Variants in GFRA1 observed in about 807,000 individuals in gnomAD.
The protein encoded by GFRA1 is GDNF family receptor alpha 1.
In GFRA1, 16 loss-of-function variants were observed where a neutral mutation model predicts 51.6. The ratio of observed to expected loss-of-function variants is 0.31; its 90% CI spans 0.21 to 0.47. The LOEUF (loss-of-function observed/expected upper bound fraction) is 0.47. Among genes scored for constraint, GFRA1 ranks in the 20% least tolerant of loss-of-function variants. The pLI is 1.00. For missense variants in GFRA1, 530 were observed against 594.3 expected (o/e 0.89, Z 1.13); for synonymous variants, 270 against 241.3 (o/e 1.12, Z -1.10).
rs190154011 is a variant in GFRA1 at position 116,070,575 on chromosome 10, T to C, written c.1198-4949A>G. ...TTCCAAGTAAGCATCATTCACACTG[T>C]ATTTTAATAGATAGACTCACCTGCT... is the stretch of plus-strand genomic sequence containing the variant. On this transcript the variant is annotated intron_variant, in intron 9 of 10. Transcript: ENST00000355422. Among the ~76,000 whole-genome samples the C allele has an allele frequency of 3.6e-3, 543 of 152,320 alleles. 2 individuals carry two copies. Among genetic ancestry groups the C allele is most frequent in the Admixed American group, 5.6e-3 (85 of 15,294 alleles).
At chr10:116,174,826 A>T (rs1961420435) in intron 5 of GFRA1, among the ~76,000 whole-genome samples, 1 of 152,224 alleles carries the variant, frequency 6.6e-6, no homozygotes, top group African/African-American at 2.4e-5. Flanking sequence ...GCTTTAAAAC[A>T]TGATTTTTCT....
rs1967916599 is a variant in GFRA1 at position 116,246,977 on chromosome 10, T to C, written c.418+22526A>G. On this transcript the variant is annotated intron_variant, in intron 4 of 10. Transcript: ENST00000355422. ...CCCATCAAGAGTGGAATATTGTTCG[T>C]GGAAGTGTACATGGTAAAAGATAAA... 1.3e-5 allele frequency among the ~76,000 whole-genome samples: 2 copies of C among 152,218 alleles called. 1 individual carries two copies. Among genetic ancestry groups the C allele is most frequent in the African/African-American group, 4.8e-5 (2 of 41,458 alleles).
At chr10:116,138,431 T>C (rs2134081626) in intron 5 of GFRA1, among the ~76,000 whole-genome samples, 1 of 152,300 alleles carries the variant, frequency 6.6e-6, no homozygotes, top group East Asian at 1.9e-4. Flanking sequence ...GGCTTTCTAT[T>C]TGATTTTCAG....
At chr10:116,206,959 C>A (rs1964826184) in intron 5 of GFRA1, among the ~76,000 whole-genome samples, 1 of 152,128 alleles carries the variant, frequency 6.6e-6, no homozygotes, top group Non-Finnish European at 1.5e-5. Context: ...AACCTTAATT[C>A]ACCACCATGA....
At chr10:116,128,353 G>A (rs1024575085) in intron 5 of GFRA1, among the ~76,000 whole-genome samples, 4 of 152,160 alleles carry the variant, frequency 2.6e-5, no homozygotes, top group South Asian at 4.2e-4. Context: ...TAAAAATAAC[G>A]AAAGTCAACA....
intron 4 of GFRA1, among the ~76,000 whole-genome samples, chr10:116,267,499 T>C (rs138212128): frequency 1.3e-5 from 2 of 152,034 alleles, no homozygotes; most frequent in African/African-American, 4.8e-5. Context: ...AAAAAAACCA[T>C]TGCTCATAGA....
intron 2 of GFRA1, 61 bp from the exon 3 acceptor site, chr10:116,271,176 C>G (rs1843902407): frequency 6.8e-7 from 1 of 1,471,606 alleles, no homozygotes; most frequent in Non-Finnish European, 9.2e-7. Context: ...CGCCCCTGCT[C>G]CGGGCGAGGG....
Position 116,237,628 on chromosome 10 carries a change from T to C in GFRA1, c.419-25983A>G, listed in dbSNP as rs146432085. On this transcript the variant is annotated intron_variant, in intron 4 of 10. Transcript: ENST00000355422. ...CGACTCTGCTCTCTTTCTTCGATAC[T>C]TCCTGTTCTTCTTCTCTAGATAGCT... Among the ~76,000 whole-genome samples the C allele has an allele frequency of 1.1e-4, 17 of 150,666 alleles. No homozygotes were observed. The East Asian group carries it at 3.3e-3, about 29-fold the overall frequency.
At position 116,175,669 on chromosome 10, in the gene GFRA1, A is replaced by T. The variant is rs569299036; in HGVS notation, c.433+35962T>A. Among the ~76,000 whole-genome samples, 229 of 152,264 alleles carry T rather than the reference A, an allele frequency of 1.5e-3. 1 individual carries two copies. Among genetic ancestry groups the T allele is most frequent in the Middle Eastern group, 6.8e-3 (2 of 294 alleles). ...TGTTTGGCATTGTCCTATCATGGGG[A>T]AAGGGTGACCTCCCACCCCTCACCA... On this transcript the variant is annotated intron_variant, in intron 5 of 10. Coordinates refer to ENST00000355422, the MANE Select transcript of GFRA1 (RefSeq NM_005264.8).
chr10:116,226,460 C>T (rs1470091955), intron 4 of GFRA1, among the ~76,000 whole-genome samples: 1 of 152,146 alleles, frequency 6.6e-6, no homozygotes, highest in East Asian at 1.9e-4. Flanking sequence ...CATCGACAAG[C>T]GGCTTTGCAT....
intron 9 of GFRA1, among the ~76,000 whole-genome samples, chr10:116,080,295 A>T (rs1955794465): frequency 6.6e-6 from 1 of 152,196 alleles, no homozygotes; most frequent in African/African-American, 2.4e-5. Flanking sequence ...CAGAAAAGAT[A>T]AGTAATTTGC....
In GFRA1 at chr10:116,221,380, C is replaced by T. The variant is rs78171088; in HGVS notation, c.419-9735G>A. On this transcript the variant is annotated intron_variant, in intron 4 of 10. Transcript: ENST00000355422. The stretch of plus-strand genomic sequence containing the variant: ...AAGGAAGAAGGAACAAATAAATATG[C>T]CTCGTCCCTTCTAAGACACCCCAGA... Among the ~76,000 whole-genome samples, 344 of 152,262 alleles carry T rather than the reference C, an allele frequency of 2.3e-3. 3 individuals are homozygous for T. Among genetic ancestry groups the T allele is most frequent in the African/African-American group, 8.0e-3 (333 of 41,542 alleles).
At chr10:116,267,282 T>C (rs1036042658) in intron 4 of GFRA1, among the ~76,000 whole-genome samples, 1 of 151,964 alleles carries the variant, frequency 6.6e-6, no homozygotes, top group African/African-American at 2.4e-5. Flanking sequence ...CTGGCCAACA[T>C]GGTGACATGT....
At chr10:116,244,756 T>C (rs1967728259) in intron 4 of GFRA1, among the ~76,000 whole-genome samples, 1 of 151,888 alleles carries the variant, frequency 6.6e-6, no homozygotes, top group Non-Finnish European at 1.5e-5. Flanking sequence ...TGATAGAAGT[T>C]CAAAAGGAAG....
At chr10:116,101,462 G>A (rs905622462) in intron 6 of GFRA1, among the ~76,000 whole-genome samples, 1 of 152,142 alleles carries the variant, frequency 6.6e-6, no homozygotes, top group Non-Finnish European at 1.5e-5. Context: ...ATACCAAGAT[G>A]GCCTTAGGAA....
intron 5 of GFRA1, among the ~76,000 whole-genome samples, chr10:116,164,638 T>G (rs1227402142): frequency 1.3e-5 from 2 of 152,240 alleles, no homozygotes; most frequent in African/African-American, 4.8e-5. Context: ...AGATCCTATT[T>G]AATATACTTG....
At chr10:116,157,263 A>C (rs12268078) in intron 5 of GFRA1, among the ~76,000 whole-genome samples, 1,937 of 152,336 alleles carry the variant, frequency 0.013, 36 homozygotes, top group African/African-American at 0.043. Flanking sequence ...AATTGTCTTC[A>C]ATGTCTATGC....
At chr10:116,201,209 T>G (rs1964304499) in intron 5 of GFRA1, among the ~76,000 whole-genome samples, 1 of 152,130 alleles carries the variant, frequency 6.6e-6, no homozygotes, top group Non-Finnish European at 1.5e-5. Flanking sequence ...TTGGGAGTGC[T>G]GAGTCACTGA....
chr10:116,168,932 T>G (rs1960761932), intron 5 of GFRA1, among the ~76,000 whole-genome samples: 1 of 152,228 alleles, frequency 6.6e-6, no homozygotes, highest in Admixed American at 6.5e-5. Context: ...TTTAATAGCT[T>G]CTCTTTGAAA....
Sources: gnomAD v4.1 joint callset for allele counts (sites outside exome capture counted in the v4.1 genomes callset) on GRCh38, gnomAD v4.1.1 for gene constraint, MANE v1.5 for transcripts, NCBI Gene and HGNC (gene_info 2026-07-23, HGNC 2026-07-21) for gene names.